The following SLC22A2 variants were observed in gnomAD, a reference collection of about 807,000 sequenced individuals.
SLC22A2 encodes the protein organic cation transporter 2.
A neutral mutation model predicts 60.5 loss-of-function variants in SLC22A2; 46 were observed. The ratio of observed to expected loss-of-function variants is 0.76; its 90% confidence interval spans 0.60 to 0.97. SLC22A2 has a LOEUF of 0.97. Among genes scored for constraint, SLC22A2 ranks in the 50% least tolerant of loss-of-function variants. The probability of loss-of-function intolerance (pLI) is 0.00; values close to 1 mark genes in which losing one functional copy is unlikely to be tolerated. For missense variants in SLC22A2, 701 were observed against 706.6 expected, an observed-to-expected ratio of 0.99 and a Z score of 0.09; for synonymous variants, 303 against 267.0, an observed-to-expected ratio of 1.13 and a Z score of -1.31.
chr6:160,239,748 C>T (rs1490119948), intron 9 of SLC22A2, among the ~76,000 whole-genome samples: 1 of 152,168 alleles, frequency 6.6e-6, no homozygotes, highest in African/African-American at 2.4e-5. Context: ...AGGAGTAGCA[C>T]CAGCTACTCT....
chr6:160,246,002 G>C (rs2114866321), intron 5 of SLC22A2, among the ~76,000 whole-genome samples: 1 of 151,830 alleles, frequency 6.6e-6, no homozygotes, highest in Middle Eastern at 3.4e-3. Flanking sequence ...TGAGTAGCTG[G>C]GATTACAGGC....
At chr6:160,227,681 CACA>C (rs1474068713) in intron 9 of SLC22A2, among the ~76,000 whole-genome samples, 1 of 152,188 alleles carries the variant, frequency 6.6e-6, no homozygotes, top group Non-Finnish European at 1.5e-5. Flanking sequence ...GCATTTGAAA[CACA>C]ACAACTTTCT....
rs201472618 is a variant in SLC22A2 at position 160,243,746 on chromosome 6, T to C, written c.1105A>G (p.Met369Val). The C allele has an allele frequency of 1.5e-4, 235 of 1,613,852 alleles. No individual in the cohort carries two copies. Among genetic ancestry groups the C allele is most frequent in the Non-Finnish European group, 1.8e-4 (218 of 1,179,952 alleles). Residue 369 changes from methionine (M) to valine (V), a missense_variant, in exon 7 of 11, where the codon ATG becomes GTG. Met to Val is a conservative substitution (Grantham distance 21). Transcript: ENST00000366953. ...TAGATATTGTCACCTGCAAGGCCCATGTGCATGATGAGGCCCTGGTAGAGC... is the reference window on the plus strand; with the variant it reads ...TAGATATTGTCACCTGCAAGGCCCACGTGCATGATGAGGCCCTGGTAGAGC... ...SVLYQGLIMH[M>V]GLAGDNIYLD...
At chr6:160,223,199 G>T (rs192036181) in intron 10 of SLC22A2, among the ~76,000 whole-genome samples, 1 of 152,326 alleles carries the variant, frequency 6.6e-6, no homozygotes. Flanking sequence ...AACTTGTGGG[G>T]AGAGTGTCAG....
chr6:160,221,197 C>T (rs1362792630), intron 10 of SLC22A2, among the ~76,000 whole-genome samples: 1 of 152,226 alleles, frequency 6.6e-6, no homozygotes, highest in Non-Finnish European at 1.5e-5. Context: ...TACATCAGCA[C>T]TTGCTGCTTC....
intron 2 of SLC22A2, among the ~76,000 whole-genome samples, chr6:160,252,838 T>A (rs556416875): frequency 6.6e-6 from 1 of 152,356 alleles, no homozygotes; most frequent in Admixed American, 6.5e-5. Flanking sequence ...GGTTTCTTCA[T>A]CCATTGTAAA....
intron 9 of SLC22A2, among the ~76,000 whole-genome samples, chr6:160,229,061 G>A (rs74966519): frequency 2.0e-5 from 3 of 151,958 alleles, no homozygotes; most frequent in Admixed American, 6.5e-5. Flanking sequence ...ATTTGGTTCC[G>A]TGACTCGGAT....
rs368898542 is a variant in SLC22A2, at chr6:160,217,479, T to C, written c.1621A>G (p.Lys541Glu). ...NMQRPRKNKEKMIYLQVQKLD... is the reference protein window; with the variant it reads ...NMQRPRKNKEEMIYLQVQKLD... Reference sequence around the variant, plus strand: ...TTCTGAACTTGGAGGTAAATCATCTTTTCTTTATTTTTTCTTGGTCTGCAA... The same window carrying C: ...TTCTGAACTTGGAGGTAAATCATCTCTTCTTTATTTTTTCTTGGTCTGCAA... Residue 541 changes from lysine to glutamate, a missense_variant, in exon 11 of 11, where the codon AAG becomes GAG. Coordinates refer to ENST00000366953, the MANE Select transcript of SLC22A2 (RefSeq NM_003058.4). 6.3e-6 allele frequency: 10 copies of C among 1,593,812 alleles called. No individual in the cohort carries two copies. The African/African-American group carries it at 1.2e-4, about 19-fold the overall frequency.
At chr6:160,220,272 A>T (rs914730298) in intron 10 of SLC22A2, among the ~76,000 whole-genome samples, 1 of 152,262 alleles carries the variant, frequency 6.6e-6, no homozygotes, top group Admixed American at 6.5e-5. Context: ...TTCTAAGCTC[A>T]TCTGTAAGAA....
intron 10 of SLC22A2, among the ~76,000 whole-genome samples, chr6:160,222,066 G>C (rs1048973071): frequency 2.0e-5 from 3 of 152,190 alleles, no homozygotes; most frequent in African/African-American, 7.2e-5. Context: ...CATGGGAAGG[G>C]CATGGAAAGC....
At chr6:160,220,216 T>A (rs1035619626) in intron 10 of SLC22A2, among the ~76,000 whole-genome samples, 1 of 152,168 alleles carries the variant, frequency 6.6e-6, no homozygotes, top group East Asian at 1.9e-4. Flanking sequence ...TTCAACAATG[T>A]TCACAGGATC....
chr6:160,249,157 G>C, intron 4 of SLC22A2, 59 bp downstream of exon 4: 1 of 1,233,846 alleles, frequency 8.1e-7, no homozygotes, highest in Non-Finnish European at 1.1e-6. Flanking sequence ...AAGGAAGGCA[G>C]ACTTCTTAGC....
chr6:160,219,559 G>GGCTGTGT (rs1223820265), intron 10 of SLC22A2, among the ~76,000 whole-genome samples: 6 of 151,390 alleles, frequency 4.0e-5, no homozygotes, highest in African/African-American at 1.5e-4. Flanking sequence ...GTCACTGATT[G>GGCTGTGT]GCTGTGTGGT....
chr6:160,248,852 T>G (rs1404436643), intron 4 of SLC22A2, among the ~76,000 whole-genome samples: 1 of 152,226 alleles, frequency 6.6e-6, no homozygotes, highest in Non-Finnish European at 1.5e-5. Context: ...TTCTCCACCC[T>G]AAAGTTTCCT....
chr6:160,224,288 G>A (rs1359437889), intron 10 of SLC22A2, among the ~76,000 whole-genome samples: 1 of 84,342 alleles, frequency 1.2e-5, no homozygotes, highest in Non-Finnish European at 2.7e-5. Flanking sequence ...GCTCAAATCT[G>A]TTATTTTTTT....
intron 1 of SLC22A2, among the ~76,000 whole-genome samples, 180 bp from the exon 2 acceptor site, chr6:160,256,897 TCTCTC>T (rs1311863313): frequency 4.8e-5 from 7 of 146,638 alleles, no homozygotes; most frequent in South Asian, 2.1e-4. Flanking sequence ...CTTCTCTCTC[TCTCTC>T]TTTTTTTTTT....
chr6:160,236,607 C>T (rs532833020), intron 9 of SLC22A2, among the ~76,000 whole-genome samples: 1 of 151,904 alleles, frequency 6.6e-6, no homozygotes, highest in African/African-American at 2.4e-5. Flanking sequence ...GTTATTTTTA[C>T]CAAGGCTTTG....
At chr6:160,257,788 A>G (rs1229706049) in intron 1 of SLC22A2, 5 of 152,382 alleles carry the variant, frequency 3.3e-5, no homozygotes, top group Admixed American at 2.0e-4. Context: ...GGCTTCACAA[A>G]TAGCTTTTGA....
At chr6:160,225,347 A>G (rs1347072404) in intron 9 of SLC22A2, among the ~76,000 whole-genome samples, 4 of 152,022 alleles carry the variant, frequency 2.6e-5, no homozygotes, top group African/African-American at 9.7e-5. Context: ...AAACACTTAC[A>G]TGTTTTTGTT....
Sources: gnomAD v4.1 joint callset for allele counts (sites outside exome capture counted in the v4.1 genomes callset) on GRCh38, gnomAD v4.1.1 for gene constraint, MANE v1.5 for transcripts, NCBI Gene and HGNC (gene_info 2026-07-23, HGNC 2026-07-21) for gene names.